KLF12: variants seen among roughly 807,000 people sequenced by gnomAD.
KLF12 encodes the protein Krueppel-like factor 12.
A neutral mutation model predicts 37.8 loss-of-function variants in KLF12; 9 were observed. The ratio of observed to expected loss-of-function variants is 0.24; its 90% CI spans 0.14 to 0.42. The LOEUF (loss-of-function observed/expected upper bound fraction) is 0.42. Ranked by LOEUF, KLF12 falls within the 10% of genes least tolerant of loss-of-function variation. The probability of loss-of-function intolerance (pLI) is 1.00; values close to 1 mark genes in which losing one functional copy is unlikely to be tolerated. For missense variants in KLF12, 411 were observed against 516.0 expected, an observed-to-expected ratio of 0.80 and a Z score of 1.97; for synonymous variants, 208 against 202.1, an observed-to-expected ratio of 1.03 and a Z score of -0.25.
the KLF12 span, among the ~76,000 whole-genome samples, chr13:74,222,900 T>C: frequency 2.0e-5 from 3 of 152,152 alleles, no homozygotes; most frequent in Non-Finnish European, 4.4e-5. Context: ...ACTCAAACAA[T>C]AGTGGAATGA....
At chr13:73,798,067 A>C (rs1326334086) in intron 5 of KLF12, among the ~76,000 whole-genome samples, 2 of 152,222 alleles carry the variant, frequency 1.3e-5, no homozygotes, top group African/African-American at 4.8e-5. Context: ...TCAAAGCAGA[A>C]GCCAACCAGA....
chr13:73,931,317 T>C (rs1041523332), intron 3 of KLF12, among the ~76,000 whole-genome samples: 1 of 152,228 alleles, frequency 6.6e-6, no homozygotes, highest in Non-Finnish European at 1.5e-5. Context: ...GCTGAATTCA[T>C]ACATTTTATT....
At chr13:74,146,843 T>C in the KLF12 span, among the ~76,000 whole-genome samples, 2 of 152,222 alleles carry the variant, frequency 1.3e-5, no homozygotes, top group African/African-American at 4.8e-5. Flanking sequence ...TTAACTTGTT[T>C]CCAAGATAAC....
intron 3 of KLF12, among the ~76,000 whole-genome samples, chr13:73,857,681 G>A (rs1021000524): frequency 2.6e-5 from 4 of 152,060 alleles, no homozygotes; most frequent in African/African-American, 9.7e-5. Flanking sequence ...TTATTTTGGG[G>A]AGTAAAAATT....
At chr13:74,120,505 T>C (rs1257202631) in intron 1 of KLF12, among the ~76,000 whole-genome samples, 1 of 151,820 alleles carries the variant, frequency 6.6e-6, no homozygotes, top group Non-Finnish European at 1.5e-5. Context: ...AAAATTATTA[T>C]TTAGGTAAAG....
intron 1 of KLF12, among the ~76,000 whole-genome samples, chr13:74,092,124 C>T (rs1875703010): frequency 6.6e-6 from 1 of 151,286 alleles, no homozygotes; most frequent in Non-Finnish European, 1.5e-5. Flanking sequence ...CCCGTCTCTA[C>T]TAAAAATACC....
intron 3 of KLF12, among the ~76,000 whole-genome samples, chr13:73,862,966 T>C (rs1210367677): frequency 6.6e-6 from 1 of 152,176 alleles, no homozygotes; most frequent in African/African-American, 2.4e-5. Context: ...ACAGTTAAGA[T>C]AGCCAACATT....
intron 5 of KLF12, among the ~76,000 whole-genome samples, chr13:73,803,221 C>T (rs1474118154): frequency 1.3e-5 from 2 of 152,286 alleles, no homozygotes; most frequent in Middle Eastern, 3.4e-3. Context: ...CAGTTGGCCT[C>T]TATGAAGTTC....
the KLF12 span, among the ~76,000 whole-genome samples, chr13:74,263,249 G>A: frequency 9.9e-4 from 150 of 152,242 alleles, 1 homozygote; most frequent in African/African-American, 3.3e-3. Context: ...TAGTAGCCTT[G>A]AGAAAAATTA....
chr13:74,178,344 G>A, the KLF12 span, among the ~76,000 whole-genome samples: 1 of 151,122 alleles, frequency 6.6e-6, no homozygotes, highest in Non-Finnish European at 1.5e-5. Flanking sequence ...TGTTTGTTTT[G>A]TTTTGTTTTT....
At chr13:73,732,483 C>T (rs1245947603) in intron 6 of KLF12, among the ~76,000 whole-genome samples, 1 of 152,056 alleles carries the variant, frequency 6.6e-6, no homozygotes, top group Non-Finnish European at 1.5e-5. Flanking sequence ...GTAAGAGCTG[C>T]CTTATGGGTA....
chr13:74,144,991 C>T, the KLF12 span, among the ~76,000 whole-genome samples: 1 of 152,008 alleles, frequency 6.6e-6, no homozygotes, highest in Non-Finnish European at 1.5e-5. Context: ...AGAAAGTGTA[C>T]ATCGTATTTA....
chr13:73,703,229 T>C (rs1239058606), intron 7 of KLF12, among the ~76,000 whole-genome samples: 1 of 152,188 alleles, frequency 6.6e-6, no homozygotes, highest in Non-Finnish European at 1.5e-5. Context: ...CAATAAAGGA[T>C]ATTTTATATT....
At chr13:73,800,114 G>A (rs1882207403) in intron 5 of KLF12, 1 of 151,990 alleles carries the variant, frequency 6.6e-6, no homozygotes, top group Admixed American at 6.6e-5. Context: ...GTTAATTTGA[G>A]TTTATAGACT....
At chr13:74,093,672 C>T (rs1875805815) in intron 1 of KLF12, among the ~76,000 whole-genome samples, 1 of 151,230 alleles carries the variant, frequency 6.6e-6, no homozygotes, top group African/African-American at 2.4e-5. Context: ...AATATATAAT[C>T]ACATTTAAAA....
the KLF12 span, among the ~76,000 whole-genome samples, chr13:74,160,574 G>A: frequency 6.6e-6 from 1 of 152,166 alleles, no homozygotes; most frequent in Admixed American, 6.5e-5. Flanking sequence ...TATCAAATGA[G>A]CCACAGGGGG....
At chr13:74,272,479 C>T in the KLF12 span, among the ~76,000 whole-genome samples, 1 of 152,110 alleles carries the variant, frequency 6.6e-6, no homozygotes, top group African/African-American at 2.4e-5. Context: ...TGATAGTTGT[C>T]ATATTAAAGT....
At chr13:74,247,985 G>A in the KLF12 span, among the ~76,000 whole-genome samples, 2 of 152,206 alleles carry the variant, frequency 1.3e-5, no homozygotes, top group Non-Finnish European at 1.5e-5. Flanking sequence ...GGCGCTGGAT[G>A]CCTTAAGCTA....
At chr13:74,126,378 G>C (rs537097622) in intron 1 of KLF12, among the ~76,000 whole-genome samples, 30 of 152,206 alleles carry the variant, frequency 2.0e-4, no homozygotes, top group African/African-American at 7.2e-4. Context: ...ACAGACAAAA[G>C]GAAAATCACA....
Sources: gnomAD v4.1 joint callset for allele counts (sites outside exome capture counted in the v4.1 genomes callset) on GRCh38, gnomAD v4.1.1 for gene constraint, MANE v1.5 for transcripts, NCBI Gene and HGNC (gene_info 2026-07-23, HGNC 2026-07-21) for gene names.